GNAQ: variants seen among roughly 807,000 people sequenced by gnomAD.
GNAQ encodes the protein G protein subunit alpha q.
GNAQ carries 8 observed loss-of-function variants against 43.9 expected under a neutral mutation model. That is an observed-to-expected ratio of 0.18 (90% confidence interval 0.11 to 0.33). The LOEUF (loss-of-function observed/expected upper bound fraction) is 0.33, where lower values mean the gene tolerates loss of function less well. Among genes scored for constraint, GNAQ ranks in the 10% least tolerant of loss-of-function variants. The pLI is 1.00. For missense variants in GNAQ, 158 were observed against 450.8 expected, an observed-to-expected ratio of 0.35 and a Z score of 5.88; for synonymous variants, 155 against 170.7, an observed-to-expected ratio of 0.91 and a Z score of 0.71.
At chr9:77,729,629 GC>G (rs1178158272) in intron 5 of GNAQ, among the ~76,000 whole-genome samples, 3 of 152,166 alleles carry the variant, frequency 2.0e-5, no homozygotes, top group Non-Finnish European at 4.4e-5. Context: ...GATGAAGGCA[GC>G]AGATTTGGGA....
intron 2 of GNAQ, among the ~76,000 whole-genome samples, chr9:77,861,409 C>T (rs187952592): frequency 6.6e-6 from 1 of 152,266 alleles, no homozygotes; most frequent in East Asian, 1.9e-4. Context: ...CATGCCTTCC[C>T]AACAGTCCCC....
intron 2 of GNAQ, among the ~76,000 whole-genome samples, chr9:77,864,197 T>C (rs530359764): frequency 1.3e-5 from 2 of 150,010 alleles, no homozygotes; most frequent in East Asian, 3.9e-4. Flanking sequence ...AAACAATTAG[T>C]TCTCTCAGGG....
At chr9:77,745,572 A>G (rs1342182737) in intron 5 of GNAQ, among the ~76,000 whole-genome samples, 1 of 150,626 alleles carries the variant, frequency 6.6e-6, no homozygotes, top group Non-Finnish European at 1.5e-5. Context: ...TAGGATTTCA[A>G]AAAAAAAATC....
Position 77,968,336 on chromosome 9 carries a change from G to T in GNAQ, c.137-45991C>A, listed in dbSNP as rs12350057. 5.7e-3 allele frequency among the ~76,000 whole-genome samples: 869 copies of T among 152,202 alleles called. 7 individuals carry two copies. The highest frequency in any genetic ancestry group is 0.019 in the African/African-American group (781 of 41,538). On this transcript the variant is annotated intron_variant, in intron 1 of 6. Transcript: ENST00000286548. Reference sequence around the variant, plus strand: ...GAAATTAAATCCCTACAGGCTAAATGAATCAATAAATTCAAAAGGTGAATT... The same window carrying T: ...GAAATTAAATCCCTACAGGCTAAATTAATCAATAAATTCAAAAGGTGAATT...
At chr9:78,013,387 T>C (rs1233476669) in intron 1 of GNAQ, among the ~76,000 whole-genome samples, 1 of 151,980 alleles carries the variant, frequency 6.6e-6, no homozygotes, top group African/African-American at 2.4e-5. Flanking sequence ...TATGTATACA[T>C]GTACCGTGTT....
chr9:78,012,926 C>T lies in GNAQ; in HGVS notation c.136+18174G>A, dbSNP rs549881093. Among the ~76,000 whole-genome samples the T allele has an allele frequency of 3.9e-5, 6 of 152,230 alleles. No homozygotes were observed. In the East Asian group the frequency reaches 1.2e-3, roughly 29 times the overall value. On this transcript the variant is annotated intron_variant, in intron 1 of 6. Coordinates refer to ENST00000286548, the MANE Select transcript of GNAQ (RefSeq NM_002072.5). ...AATTTGAGAAACTACTACAGAATCA[C>T]TTTCAAAACATTAAAGATCACATTG...
chr9:77,754,679 T>C (rs1358368173), intron 5 of GNAQ, among the ~76,000 whole-genome samples: 4 of 152,176 alleles, frequency 2.6e-5, no homozygotes, highest in Admixed American at 6.5e-5. Context: ...ATAGGAAAGA[T>C]GGTTCCAAGA....
At chr9:77,743,717 G>A (rs1399857687) in intron 5 of GNAQ, among the ~76,000 whole-genome samples, 2 of 152,072 alleles carry the variant, frequency 1.3e-5, no homozygotes, top group Middle Eastern at 3.4e-3. Context: ...CTGAGGTTTT[G>A]TGAGTTTATA....
intron 1 of GNAQ, among the ~76,000 whole-genome samples, chr9:77,999,771 C>T (rs1157454011): frequency 6.6e-6 from 1 of 152,142 alleles, no homozygotes; most frequent in Non-Finnish European, 1.5e-5. Flanking sequence ...TAAGCCAACA[C>T]TAAAATCAAA....
At chr9:77,957,418 C>G (rs948277270) in intron 1 of GNAQ, among the ~76,000 whole-genome samples, 1 of 151,996 alleles carries the variant, frequency 6.6e-6, no homozygotes, top group Non-Finnish European at 1.5e-5. Flanking sequence ...ATAATAATAT[C>G]CACATCAGTT....
chr9:78,012,758 A>G (rs1026081739), intron 1 of GNAQ, among the ~76,000 whole-genome samples: 7 of 152,188 alleles, frequency 4.6e-5, no homozygotes, highest in Admixed American at 6.6e-5. Flanking sequence ...GGAAAACAGA[A>G]TAAGTGATAA....
At chr9:77,873,512 T>C (rs1828076247) in intron 2 of GNAQ, among the ~76,000 whole-genome samples, 1 of 152,138 alleles carries the variant, frequency 6.6e-6, no homozygotes, top group Admixed American at 6.5e-5. Context: ...ATTTAGGCAT[T>C]TGTGGCAGGT....
intron 2 of GNAQ, among the ~76,000 whole-genome samples, chr9:77,888,790 G>T (rs1417572823): frequency 1.3e-5 from 2 of 152,148 alleles, no homozygotes; most frequent in African/African-American, 2.4e-5. Flanking sequence ...CAGAATGGGA[G>T]CCTCTGGATT....
At chr9:77,849,741 A>G (rs1177276791) in intron 2 of GNAQ, among the ~76,000 whole-genome samples, 1 of 152,118 alleles carries the variant, frequency 6.6e-6, no homozygotes, top group African/African-American at 2.4e-5. Flanking sequence ...ATCATGGCTC[A>G]CTGCAACCTC....
chr9:77,800,048 A>T (rs1022737199), intron 3 of GNAQ, among the ~76,000 whole-genome samples: 6 of 152,308 alleles, frequency 3.9e-5, no homozygotes, highest in Middle Eastern at 6.8e-3. Flanking sequence ...CTGGGAAGGG[A>T]TCTGTATTTC....
intron 6 of GNAQ, among the ~76,000 whole-genome samples, chr9:77,726,214 C>G (rs186266789): frequency 1.3e-3 from 199 of 152,140 alleles, no homozygotes; most frequent in African/African-American, 4.7e-3. Flanking sequence ...CGGGCTAGTG[C>G]AAATTAAAAG....
intron 3 of GNAQ, among the ~76,000 whole-genome samples, chr9:77,806,100 A>G (rs909427509): frequency 3.3e-5 from 5 of 152,190 alleles, no homozygotes; most frequent in Non-Finnish European, 7.4e-5. Flanking sequence ...AAATAAATCA[A>G]CTTTGTAATT....
intron 1 of GNAQ, among the ~76,000 whole-genome samples, chr9:77,922,661 T>C (rs548394015): frequency 6.6e-6 from 1 of 152,318 alleles, no homozygotes. Flanking sequence ...CAGCATCTTT[T>C]GAACATGATA....
intron 1 of GNAQ, among the ~76,000 whole-genome samples, chr9:78,022,102 C>G (rs1384487217): frequency 6.6e-6 from 1 of 152,166 alleles, no homozygotes; most frequent in African/African-American, 2.4e-5. Context: ...AAAGTGCTCC[C>G]CACTGCAGGG....
Sources: allele counts gnomAD v4.1 joint callset (sites outside exome capture counted in the v4.1 genomes callset), GRCh38; gene constraint gnomAD v4.1.1; transcripts MANE v1.5; gene names NCBI Gene and HGNC (gene_info 2026-07-23, HGNC 2026-07-21).